The following CDH13 variants were observed in gnomAD, a reference collection of about 807,000 sequenced individuals.
CDH13 encodes the protein cadherin 13, also known as cadherin-13.
In CDH13, 24 loss-of-function variants were observed where a neutral mutation model predicts 63.8. That is an observed-to-expected ratio of 0.38 (90% CI 0.27 to 0.53). The LOEUF (loss-of-function observed/expected upper bound fraction) is 0.53, where lower values mean the gene tolerates loss of function less well. Ranked by LOEUF, CDH13 falls within the 20% of genes least tolerant of loss-of-function variation. The probability of loss-of-function intolerance (pLI) is 0.85; values close to 1 mark genes in which losing one functional copy is unlikely to be tolerated. For missense variants in CDH13, 1,049 were observed against 903.1 expected, an observed-to-expected ratio of 1.16 and a Z score of -2.07; for synonymous variants, 503 against 355.3, an observed-to-expected ratio of 1.42 and a Z score of -4.67.
intron 2 of CDH13, among the ~76,000 whole-genome samples, chr16:82,891,821 G>A (rs559333367): frequency 9.2e-5 from 14 of 152,154 alleles, no homozygotes; most frequent in Non-Finnish European, 1.8e-4. Flanking sequence ...CCCTTATCAT[G>A]GGCTAGGGAC....
intron 5 of CDH13, among the ~76,000 whole-genome samples, chr16:83,323,489 C>T (rs1212966619): frequency 2.6e-5 from 2 of 75,760 alleles, no homozygotes; most frequent in East Asian, 8.3e-4. Context: ...CCATGTTTGC[C>T]AGGCTGCTCT....
At chr16:83,224,121 A>G (rs898460075) in intron 5 of CDH13, among the ~76,000 whole-genome samples, 8 of 152,340 alleles carry the variant, frequency 5.3e-5, no homozygotes, top group African/African-American at 1.7e-4. Context: ...TACTTCACTT[A>G]GAATAATAGT....
intron 8 of CDH13, among the ~76,000 whole-genome samples, chr16:83,660,776 A>G: frequency 6.6e-6 from 1 of 152,192 alleles, no homozygotes; most frequent in African/African-American, 2.4e-5. Context: ...TCTACAGAAA[A>G]TCTCTCTGCT....
intron 2 of CDH13, among the ~76,000 whole-genome samples, chr16:82,933,001 C>T (rs1376771371): frequency 6.6e-6 from 1 of 152,106 alleles, no homozygotes; most frequent in Admixed American, 6.5e-5. Context: ...AGTATATTGA[C>T]TTACCAATTT....
intron 2 of CDH13, chr16:82,884,159 T>C (rs1319271230): frequency 2.2e-6 from 1 of 455,398 alleles, no homozygotes; most frequent in African/African-American, 2.0e-5. Flanking sequence ...TCTTTCCTTA[T>C]GCTGTTTCTT....
At chr16:83,030,840 T>A (rs911261529) in intron 2 of CDH13, among the ~76,000 whole-genome samples, 8 of 151,740 alleles carry the variant, frequency 5.3e-5, no homozygotes, top group African/African-American at 1.9e-4. Flanking sequence ...TCAGCCTCAT[T>A]TCCACCCTTC....
intron 5 of CDH13, among the ~76,000 whole-genome samples, chr16:83,329,333 C>T (rs916281379): frequency 6.6e-6 from 1 of 152,106 alleles, no homozygotes; most frequent in Non-Finnish European, 1.5e-5. Context: ...TCAAGTGATT[C>T]TCCCACCTCA....
At chr16:82,834,626 G>A (rs2038687505) in intron 1 of CDH13, among the ~76,000 whole-genome samples, 1 of 152,162 alleles carries the variant, frequency 6.6e-6, no homozygotes, top group African/African-American at 2.4e-5. Flanking sequence ...ACCAGCTTTG[G>A]GTCTGAGCCT....
At chr16:83,515,873 ATAAATT>A in intron 7 of CDH13, among the ~76,000 whole-genome samples, 1 of 152,320 alleles carries the variant, frequency 6.6e-6, no homozygotes. Context: ...CTATATATTT[ATAAATT>A]TAATCTTTAT....
intron 4 of CDH13, among the ~76,000 whole-genome samples, chr16:83,212,346 T>C (rs1018960175): frequency 2.6e-5 from 4 of 152,126 alleles, no homozygotes. Flanking sequence ...GGTGGGTAAT[T>C]CAGAAGGGCT....
chr16:83,226,429 T>C (rs1223415303), intron 5 of CDH13, among the ~76,000 whole-genome samples: 1 of 152,218 alleles, frequency 6.6e-6, no homozygotes, highest in Non-Finnish European at 1.5e-5. Context: ...AACTTGAATC[T>C]TGGCAGGTGG....
intron 6 of CDH13, among the ~76,000 whole-genome samples, chr16:83,402,788 T>G (rs1283171381): frequency 6.6e-6 from 1 of 152,234 alleles, no homozygotes; most frequent in Admixed American, 6.5e-5. Context: ...ATTCTTAGTC[T>G]TCTTGGGATT....
chr16:82,773,870 G>T (rs575794614), intron 1 of CDH13, among the ~76,000 whole-genome samples: 1 of 150,980 alleles, frequency 6.6e-6, no homozygotes, highest in Non-Finnish European at 1.5e-5. Context: ...TGCAACCTCC[G>T]CCTCCCGGGT....
intron 2 of CDH13, among the ~76,000 whole-genome samples, chr16:83,011,654 G>A (rs963326564): frequency 3.9e-5 from 6 of 152,152 alleles, no homozygotes; most frequent in African/African-American, 1.4e-4. Context: ...CTGAGGGTTC[G>A]GGGACCAGGG....
At chr16:83,713,575 T>C (rs365661) in intron 10 of CDH13, among the ~76,000 whole-genome samples, 40,959 of 151,906 alleles carry the variant, frequency 0.27, 6,145 homozygotes, top group Middle Eastern at 0.47. Context: ...ACTTTACCTC[T>C]CACAAATGGT....
intron 7 of CDH13, among the ~76,000 whole-genome samples, chr16:83,523,124 A>G (rs1018569922): frequency 1.3e-5 from 2 of 152,004 alleles, no homozygotes; most frequent in African/African-American, 2.4e-5. Flanking sequence ...CTTCTTCCTC[A>G]TGCACCTGTC....
chr16:83,781,850 T>G (rs1224196957), intron 12 of CDH13, among the ~76,000 whole-genome samples: 1 of 151,824 alleles, frequency 6.6e-6, no homozygotes, highest in Non-Finnish European at 1.5e-5. Flanking sequence ...TGGGATGATT[T>G]GTGCAGCAAA....
At chr16:83,165,158 T>A (rs2037610518) in intron 4 of CDH13, among the ~76,000 whole-genome samples, 1 of 151,210 alleles carries the variant, frequency 6.6e-6, no homozygotes, top group Non-Finnish European at 1.5e-5. Flanking sequence ...GAAGGAGAAC[T>A]AGAGGATCAA....
chr16:82,745,704 T>C (rs1463003189), intron 1 of CDH13, among the ~76,000 whole-genome samples: 1 of 152,232 alleles, frequency 6.6e-6, no homozygotes, highest in African/African-American at 2.4e-5. Context: ...TTTCTTATGT[T>C]ATTGTCTCTT....
Sources: gnomAD v4.1 joint callset for allele counts (sites outside exome capture counted in the v4.1 genomes callset) on GRCh38, gnomAD v4.1.1 for gene constraint, MANE v1.5 for transcripts, NCBI Gene and HGNC (gene_info 2026-07-23, HGNC 2026-07-21) for gene names.